KAZN: variants seen among roughly 807,000 people sequenced by gnomAD.
KAZN encodes kazrin.
In KAZN, 40 loss-of-function variants were observed where a neutral mutation model predicts 87.4. The observed-to-expected ratio is 0.46, with a 90% confidence interval of 0.36 to 0.60. KAZN has a LOEUF of 0.60. KAZN is among the 20% of genes least tolerant of loss of function. The probability of loss-of-function intolerance (pLI) is 0.00; values close to 1 mark genes in which losing one functional copy is unlikely to be tolerated. For missense variants in KAZN, 898 were observed against 1,073.9 expected, an observed-to-expected ratio of 0.84 and a Z score of 2.29; for synonymous variants, 466 against 458.3, an observed-to-expected ratio of 1.02 and a Z score of -0.22.
intron 1 of KAZN, among the ~76,000 whole-genome samples, chr1:14,936,090 C>G (rs1463270550): frequency 6.6e-6 from 1 of 152,230 alleles, no homozygotes; most frequent in African/African-American, 2.4e-5. Flanking sequence ...CATGTCTCTC[C>G]AGTGTGTGGA....
At position 13,894,766 on chromosome 1, in the gene KAZN, CAA is replaced by C. The variant is rs1638971973; in HGVS notation, c.91+1011_91+1012del. ...GGGGTATCCGTCCCCTGCTGCAAAA[CAA>C]GAGAACTGGATTCAGGGCTGCTGGG... On this transcript the variant is annotated intron_variant, in intron 1 of 16. Transcript: ENST00000636203. 1.3e-5 allele frequency among the ~76,000 whole-genome samples: 2 copies of C among 152,294 alleles called. 1 individual carries two copies. The highest frequency in any genetic ancestry group is 4.8e-5 in the African/African-American group (2 of 41,578).
At chr1:13,919,415 A>G (rs1038222662) in intron 1 of KAZN, among the ~76,000 whole-genome samples, 1 of 152,242 alleles carries the variant, frequency 6.6e-6, no homozygotes, top group Non-Finnish European at 1.5e-5. Context: ...AGTATTCTGC[A>G]GTATGAGCAT....
intron 1 of KAZN, among the ~76,000 whole-genome samples, chr1:14,803,503 G>A (rs967107111): frequency 6.6e-5 from 10 of 152,216 alleles, no homozygotes; most frequent in Admixed American, 2.0e-4. Context: ...CTAGCTGGGC[G>A]GGAGAGGGCC....
At chr1:14,299,858 G>A (rs746737828) in intron 2 of KAZN, among the ~76,000 whole-genome samples, 1 of 152,224 alleles carries the variant, frequency 6.6e-6, no homozygotes, top group African/African-American at 2.4e-5. Context: ...CAGCAGAACA[G>A]GGAGTGTACA....
intron 2 of KAZN, among the ~76,000 whole-genome samples, chr1:14,402,397 T>C (rs534629360): frequency 6.6e-6 from 1 of 152,176 alleles, no homozygotes; most frequent in Non-Finnish European, 1.5e-5. Flanking sequence ...GGAAAGTTTA[T>C]GATCTAAGCT....
intron 2 of KAZN, among the ~76,000 whole-genome samples, chr1:14,579,187 T>G (rs1244420576): frequency 6.6e-6 from 1 of 152,196 alleles, no homozygotes; most frequent in East Asian, 1.9e-4. Context: ...TCTTGAAATC[T>G]CAGCTTATAA....
intron 1 of KAZN, among the ~76,000 whole-genome samples, chr1:14,813,549 C>T (rs1202845050): frequency 6.6e-6 from 1 of 152,198 alleles, no homozygotes; most frequent in African/African-American, 2.4e-5. Flanking sequence ...CGGTTAATGC[C>T]ATGTGGAGCA....
chr1:14,842,634 A>G (rs965698095), intron 1 of KAZN, among the ~76,000 whole-genome samples: 5 of 152,238 alleles, frequency 3.3e-5, no homozygotes, highest in African/African-American at 9.6e-5. Flanking sequence ...ACTCATTTCC[A>G]TGTACAATGT....
chr1:14,210,802 CATT>C (rs377660359), intron 2 of KAZN, among the ~76,000 whole-genome samples: 4 of 152,092 alleles, frequency 2.6e-5, no homozygotes, highest in East Asian at 3.9e-4. Flanking sequence ...AGAAGAATGT[CATT>C]ATGGTATATT....
chr1:14,875,546 C>T (rs1652676896), intron 1 of KAZN, among the ~76,000 whole-genome samples: 1 of 151,572 alleles, frequency 6.6e-6, no homozygotes, highest in Non-Finnish European at 1.5e-5. Flanking sequence ...CTTCCTTCTC[C>T]TAATAGTGAA....
At chr1:14,234,694 A>G (rs959887501) in intron 2 of KAZN, among the ~76,000 whole-genome samples, 2 of 152,208 alleles carry the variant, frequency 1.3e-5, no homozygotes, top group Non-Finnish European at 2.9e-5. Context: ...AGCAGAGTCA[A>G]TGACAAGTTG....
chr1:14,295,582 T>C (rs752295689), intron 2 of KAZN, among the ~76,000 whole-genome samples: 1 of 151,804 alleles, frequency 6.6e-6, no homozygotes, highest in African/African-American at 2.4e-5. Flanking sequence ...CACACACTTA[T>C]AGACACACAA....
At chr1:13,982,292 C>T (rs1313447932) in intron 1 of KAZN, among the ~76,000 whole-genome samples, 3 of 152,138 alleles carry the variant, frequency 2.0e-5, no homozygotes, top group Non-Finnish European at 1.5e-5. Flanking sequence ...AGAATGAAGC[C>T]GTGAACCCTC....
chr1:14,701,797 AAAAC>A (rs1370156539), intron 1 of KAZN, among the ~76,000 whole-genome samples: 18 of 151,854 alleles, frequency 1.2e-4, no homozygotes, highest in Admixed American at 7.2e-4. Context: ...ACCCTGTCTC[AAAAC>A]AAACAAACAA....
chr1:14,411,739 A>G (rs370430847), intron 2 of KAZN, among the ~76,000 whole-genome samples: 1 of 152,264 alleles, frequency 6.6e-6, no homozygotes, highest in African/African-American at 2.4e-5. Context: ...AAATGAAAAA[A>G]ACATGTGATT....
rs76284049 is a variant in KAZN, at chr1:14,530,083, C to T, written c.250-68900C>T. Among the ~76,000 whole-genome samples, 1,077 of 152,240 alleles carry T rather than the reference C, an allele frequency of 7.1e-3. 10 individuals carry two copies. The highest frequency in any genetic ancestry group is 0.024 in the African/African-American group (1,013 of 41,540). ...TCTCTGGAGCACCTAATACTGGAAT[C>T]GCAGGGGCCAGGGGAAGCCAGTGAT... is the stretch of plus-strand genomic sequence containing the variant. On this transcript the variant is annotated intron_variant, in intron 2 of 16. Transcript: ENST00000636203.
At chr1:14,113,511 C>T (rs948779322) in intron 1 of KAZN, among the ~76,000 whole-genome samples, 5 of 152,312 alleles carry the variant, frequency 3.3e-5, no homozygotes, top group East Asian at 3.9e-4. Context: ...TCATTTATTA[C>T]GTCCTTCCCA....
intron 1 of KAZN, among the ~76,000 whole-genome samples, chr1:14,903,787 T>C (rs1411851706): frequency 6.6e-6 from 1 of 152,324 alleles, no homozygotes; most frequent in East Asian, 1.9e-4. Flanking sequence ...TAATCTAACC[T>C]TAGTAGGTTA....
At chr1:14,395,931 G>A (rs35956582) in intron 2 of KAZN, among the ~76,000 whole-genome samples, 4,920 of 152,088 alleles carry the variant, frequency 0.032, 105 homozygotes, top group Middle Eastern at 0.068. Flanking sequence ...CACTTTGGGA[G>A]GCCGAGGCAG....
Sources: allele counts gnomAD v4.1 joint callset (sites outside exome capture counted in the v4.1 genomes callset), GRCh38; gene constraint gnomAD v4.1.1; transcripts MANE v1.5; gene names NCBI Gene and HGNC (gene_info 2026-07-23, HGNC 2026-07-21).